The following TRPC5 variants were observed in gnomAD, a reference collection of about 807,000 sequenced individuals.
TRPC5 encodes short transient receptor potential channel 5.
TRPC5 carries 9 observed loss-of-function variants against 56.5 expected under a neutral mutation model. The ratio of observed to expected loss-of-function variants is 0.16; its 90% CI spans 0.10 to 0.28. TRPC5 has a LOEUF of 0.28. Among genes scored for constraint, TRPC5 ranks in the 10% least tolerant of loss-of-function variants. The pLI is 1.00. For synonymous variants in TRPC5, 282 were observed against 278.5 expected (o/e 1.01, Z -0.13); for missense variants, 469 against 748.9 (o/e 0.63, Z 4.36).
At chrX:111,953,507 C>T (rs1927148320) in intron 1 of TRPC5, among the ~76,000 whole-genome samples, 1 of 111,585 alleles carries the variant, frequency 9.0e-6, no homozygotes, top group Non-Finnish European at 1.9e-5. Context: ...TGTAGCATCC[C>T]TGTGAGATGG....
At chrX:111,983,617 A>C (rs1928137742) in intron 1 of TRPC5, among the ~76,000 whole-genome samples, 1 of 111,674 alleles carries the variant, frequency 9.0e-6, no homozygotes, top group South Asian at 3.8e-4. Flanking sequence ...ATGAATTAGT[A>C]TATAATCTCA....
intron 2 of TRPC5, among the ~76,000 whole-genome samples, chrX:111,924,937 G>A (rs1285186335): frequency 8.9e-6 from 1 of 112,359 alleles, no homozygotes; most frequent in Non-Finnish European, 1.9e-5. Flanking sequence ...CTCTGATAGT[G>A]GAAAAGCATC....
intron 1 of TRPC5, among the ~76,000 whole-genome samples, chrX:112,056,249 A>C (rs1467059128): frequency 8.9e-6 from 1 of 111,963 alleles, no homozygotes. Flanking sequence ...AATTGTATAC[A>C]GTGGCCCTGC....
intron 7 of TRPC5, among the ~76,000 whole-genome samples, chrX:111,806,873 ATT>A (rs1921531966): frequency 9.0e-6 from 1 of 110,757 alleles, no homozygotes; most frequent in African/African-American, 3.3e-5. Context: ...TTCCTTCAGC[ATT>A]TTAAATAATT....
intron 1 of TRPC5, among the ~76,000 whole-genome samples, chrX:112,047,533 G>A (rs942088597): frequency 1.8e-5 from 2 of 112,045 alleles, no homozygotes; most frequent in South Asian, 3.7e-4. Context: ...CCTCGTCACA[G>A]CAGTGAATAC....
intron 7 of TRPC5, among the ~76,000 whole-genome samples, chrX:111,813,476 A>C (rs903053317): frequency 8.9e-6 from 1 of 112,401 alleles, no homozygotes; most frequent in Non-Finnish European, 1.9e-5. Context: ...TGCCTGTTCA[A>C]TTTTACATTT....
chrX:112,020,671 G>A (rs1478938111), intron 1 of TRPC5, among the ~76,000 whole-genome samples: 1 of 111,594 alleles, frequency 9.0e-6, no homozygotes, highest in Non-Finnish European at 1.9e-5. Flanking sequence ...AATCTCTGGG[G>A]TGTGACCGTC....
At chrX:112,000,634 C>A (rs888037382) in intron 1 of TRPC5, among the ~76,000 whole-genome samples, 3 of 111,542 alleles carry the variant, frequency 2.7e-5, no homozygotes, top group Non-Finnish European at 5.6e-5. Flanking sequence ...AGGGTTGTTG[C>A]GACGATTAGA....
At chrX:111,963,861 A>G (rs777015663) in intron 1 of TRPC5, among the ~76,000 whole-genome samples, 1 of 111,480 alleles carries the variant, frequency 9.0e-6, no homozygotes, top group Non-Finnish European at 1.9e-5. Flanking sequence ...AGATAAAACC[A>G]CAAAGATGGG....
intron 7 of TRPC5, among the ~76,000 whole-genome samples, chrX:111,828,460 C>G (rs1047801050): frequency 1.8e-5 from 2 of 112,089 alleles, no homozygotes; most frequent in South Asian, 7.6e-4. Context: ...TTGTAAGTTT[C>G]CTGAGGCCTC....
At chrX:112,079,283 G>A (rs1312010544) in intron 1 of TRPC5, among the ~76,000 whole-genome samples, 3 of 111,974 alleles carry the variant, frequency 2.7e-5, no homozygotes, top group African/African-American at 3.3e-5. Context: ...TAGAATATTC[G>A]AAAACAGGCT....
At chrX:112,029,163 G>A (rs1929515238) in intron 1 of TRPC5, among the ~76,000 whole-genome samples, 1 of 109,463 alleles carries the variant, frequency 9.1e-6, no homozygotes, top group Non-Finnish European at 1.9e-5. Context: ...CCAGCCTCTG[G>A]TAATCATCCT....
At chrX:111,998,073 C>T (rs1323227639) in intron 1 of TRPC5, among the ~76,000 whole-genome samples, 2 of 110,698 alleles carry the variant, frequency 1.8e-5, no homozygotes, top group Non-Finnish European at 3.8e-5. Flanking sequence ...AGAAGAGGCA[C>T]TCTGATTTTT....
chrX:111,790,057 G>C (rs1253030168), intron 7 of TRPC5, among the ~76,000 whole-genome samples: 1 of 111,883 alleles, frequency 8.9e-6, no homozygotes, highest in Non-Finnish European at 1.9e-5. Flanking sequence ...TCCCACTACT[G>C]GGTATATACC....
chrX:112,015,070 G>C (rs1929088526), intron 1 of TRPC5, among the ~76,000 whole-genome samples: 1 of 105,172 alleles, frequency 9.5e-6, no homozygotes, highest in Non-Finnish European at 1.9e-5. Flanking sequence ...CTCAGAGTCT[G>C]GCTCTGTTGC....
chrX:111,968,829 G>A (rs1279635737), intron 1 of TRPC5, among the ~76,000 whole-genome samples: 3 of 63,417 alleles, frequency 4.7e-5, no homozygotes, highest in African/African-American at 1.9e-4. Flanking sequence ...CTGTTGTGGG[G>A]TGGGGGGAGG....
At chrX:112,012,174 C>T (rs1929008746) in intron 1 of TRPC5, among the ~76,000 whole-genome samples, 1 of 111,206 alleles carries the variant, frequency 9.0e-6, no homozygotes, top group Non-Finnish European at 1.9e-5. Flanking sequence ...TCCTGGGCAT[C>T]AATCATTTCC....
At chrX:111,790,335 C>G (rs1341445157) in intron 7 of TRPC5, among the ~76,000 whole-genome samples, 1 of 111,200 alleles carries the variant, frequency 9.0e-6, no homozygotes, top group Non-Finnish European at 1.9e-5. Context: ...TGCATGTTCT[C>G]ACTCATAGGT....
chrX:111,879,180 T>C (rs1454403208), intron 3 of TRPC5, among the ~76,000 whole-genome samples: 1 of 111,730 alleles, frequency 9.0e-6, no homozygotes, highest in African/African-American at 3.3e-5. Flanking sequence ...GCTGGTAGCC[T>C]CCTCAGAGAC....
Sources: gnomAD v4.1 joint callset for allele counts (sites outside exome capture counted in the v4.1 genomes callset) on GRCh38, gnomAD v4.1.1 for gene constraint, MANE v1.5 for transcripts, NCBI Gene and HGNC (gene_info 2026-07-23, HGNC 2026-07-21) for gene names.